Variants in EXT2 observed in about 807,000 individuals in gnomAD.
EXT2 encodes exostosin glycosyltransferase 2, also known as exostosin-2.
Under a neutral mutation model 81.6 loss-of-function variants are expected in EXT2, and 53 were observed. The observed-to-expected ratio is 0.65, with a 90% CI of 0.52 to 0.82. The LOEUF (loss-of-function observed/expected upper bound fraction) is 0.82. Among genes scored for constraint, EXT2 ranks in the 40% least tolerant of loss-of-function variants. The pLI is 0.00. For missense variants in EXT2, 774 were observed against 910.2 expected (o/e 0.85, Z 1.93); for synonymous variants, 320 against 340.0 (o/e 0.94, Z 0.65).
chr11:44,096,169 CCCGCCCT>C (rs998962711), intron 1 of EXT2: 74 of 1,324,736 alleles, frequency 5.6e-5, no homozygotes, highest in Middle Eastern at 1.8e-4. Context: ...CCTCCTGCGA[CCCGCCCT>C]CCGCCCTCCG....
intron 8 of EXT2, 117 bp downstream of exon 8, chr11:44,171,859 T>G (rs1955079854): frequency 1.3e-6 from 2 of 1,510,980 alleles, no homozygotes; most frequent in Non-Finnish European, 1.8e-6. Context: ...AAGATGAGAG[T>G]GTGCTTTTTA....
At chr11:44,140,154 T>G (rs1333542599) in intron 7 of EXT2, among the ~76,000 whole-genome samples, 1 of 152,234 alleles carries the variant, frequency 6.6e-6, no homozygotes, top group African/African-American at 2.4e-5. Flanking sequence ...GCAAGTGAGT[T>G]GGGCAACTTG....
At chr11:44,198,613 A>G (rs928305442) in intron 9 of EXT2, among the ~76,000 whole-genome samples, 1 of 152,180 alleles carries the variant, frequency 6.6e-6, no homozygotes, top group Non-Finnish European at 1.5e-5. Flanking sequence ...GGACGCACAG[A>G]GTATGTTCCA....
At chr11:44,172,901 G>T (rs1955097543) in intron 8 of EXT2, among the ~76,000 whole-genome samples, 1 of 152,296 alleles carries the variant, frequency 6.6e-6, no homozygotes, top group Non-Finnish European at 1.5e-5. Flanking sequence ...AAATAGTGCT[G>T]TATATGGCTA....
At chr11:44,119,169 T>TATATATATACACACAC (rs1192115471) in intron 4 of EXT2, among the ~76,000 whole-genome samples, 1 of 63,128 alleles carries the variant, frequency 1.6e-5, no homozygotes, top group African/African-American at 5.9e-5. Context: ...TATATATATA[T>TATATATATACACACAC]ACACATACAC....
intron 9 of EXT2, among the ~76,000 whole-genome samples, chr11:44,203,474 A>G (rs1287830540): frequency 6.6e-6 from 1 of 152,228 alleles, no homozygotes; most frequent in African/African-American, 2.4e-5. Context: ...AGAATTCAAC[A>G]GAAATCTGCC....
chr11:44,151,247 C>T (rs955511659), intron 7 of EXT2, among the ~76,000 whole-genome samples: 3 of 152,166 alleles, frequency 2.0e-5, no homozygotes, highest in Admixed American at 6.5e-5. Flanking sequence ...ATCATTATCA[C>T]ATGAAGTCCA....
At position 44,247,593 on chromosome 11, in the gene EXT2, C is replaced by G. The variant is rs945443654; in HGVS notation, c.*3306C>G. Among the ~76,000 whole-genome samples the G allele has an allele frequency of 6.6e-6, 1 of 152,198 alleles. No individual in the cohort carries two copies. The highest frequency in any genetic ancestry group is 2.4e-5 in the African/African-American group (1 of 41,458). ...AGTGTCATCAAGTTCAAAGCTCTGA[C>G]CACCCTGGTTTCTCTGCCAAAGCCT... On this transcript the variant is annotated 3_prime_UTR_variant, in exon 14 of 14. Coordinates refer to ENST00000533608, the MANE Select transcript of EXT2 (RefSeq NM_207122.2).
intron 10 of EXT2, among the ~76,000 whole-genome samples, chr11:44,216,066 C>T (rs1215796788): frequency 4.0e-5 from 6 of 151,722 alleles, no homozygotes; most frequent in South Asian, 2.1e-4. Context: ...TTAGTAGAGA[C>T]GGGGTTTCAC....
intron 8 of EXT2, among the ~76,000 whole-genome samples, chr11:44,191,260 G>A (rs539324589): frequency 1.8e-4 from 27 of 152,326 alleles, no homozygotes; most frequent in Non-Finnish European, 2.9e-4. Flanking sequence ...AGAAGTAAAC[G>A]GTGGGAGAAT....
Position 44,245,195 on chromosome 11 carries a change from GA to G in EXT2, c.*913del. ...TCAATGTTTTAAAGGTATTGTCAGA[GA>G]AAAACAGAGGGTCTGTACTAGCCAT... On this transcript the variant is annotated 3_prime_UTR_variant, in exon 14 of 14. Coordinates refer to ENST00000533608, the MANE Select transcript of EXT2 (RefSeq NM_207122.2). 1 of 228,854 alleles carries G rather than the reference GA, an allele frequency of 4.4e-6. No individual in the cohort carries two copies. Among genetic ancestry groups the G allele is most frequent in the Non-Finnish European group, 8.7e-6 (1 of 114,972 alleles). 14.2% of individuals were successfully genotyped at this position (228,854 alleles called of 1,614,324 possible).
chr11:44,126,482 A>G (rs1392326427), intron 5 of EXT2, among the ~76,000 whole-genome samples: 2 of 152,206 alleles, frequency 1.3e-5, no homozygotes, highest in Non-Finnish European at 2.9e-5. Flanking sequence ...GTGTTTACAT[A>G]GTACACTAGG....
chr11:44,137,981 A>G (rs1359050614), intron 7 of EXT2, among the ~76,000 whole-genome samples: 1 of 152,164 alleles, frequency 6.6e-6, no homozygotes, highest in Non-Finnish European at 1.5e-5. Flanking sequence ...CAGTTATGCT[A>G]AGGAGAGCCA....
At chr11:44,137,642 T>C (rs1209829308) in intron 7 of EXT2, among the ~76,000 whole-genome samples, 2 of 152,286 alleles carry the variant, frequency 1.3e-5, no homozygotes, top group East Asian at 3.9e-4. Context: ...TGTAGGCAAA[T>C]ACAGTTGAGT....
At chr11:44,157,727 C>T (rs999356463) in intron 7 of EXT2, among the ~76,000 whole-genome samples, 14 of 152,170 alleles carry the variant, frequency 9.2e-5, no homozygotes, top group African/African-American at 3.4e-4. Context: ...CTGCTATGGC[C>T]AAGCTGGTCC....
intron 10 of EXT2, among the ~76,000 whole-genome samples, chr11:44,213,359 C>A (rs1252158189): frequency 1.3e-5 from 2 of 152,070 alleles, no homozygotes; most frequent in Non-Finnish European, 2.9e-5. Flanking sequence ...AGAAACCAGG[C>A]AAATTGCAAC....
intron 1 of EXT2, among the ~76,000 whole-genome samples, chr11:44,097,181 C>T (rs1953910444): frequency 6.6e-6 from 1 of 152,110 alleles, no homozygotes; most frequent in African/African-American, 2.4e-5. Context: ...TAAGTTAACA[C>T]TATAAAGTGC....
chr11:44,143,946 T>C (rs1246588142), intron 7 of EXT2, among the ~76,000 whole-genome samples: 5 of 152,164 alleles, frequency 3.3e-5, no homozygotes, highest in Non-Finnish European at 5.9e-5. Flanking sequence ...GATAGCAGCA[T>C]TGGGGATAAA....
intron 12 of EXT2, among the ~76,000 whole-genome samples, chr11:44,235,904 G>A (rs1475356684): frequency 6.6e-6 from 1 of 152,222 alleles, no homozygotes; most frequent in African/African-American, 2.4e-5. Flanking sequence ...AGGAGAAAGA[G>A]CGCCTGTTGG....
Sources: allele counts gnomAD v4.1 joint callset (sites outside exome capture counted in the v4.1 genomes callset), GRCh38; gene constraint gnomAD v4.1.1; transcripts MANE v1.5; gene names NCBI Gene and HGNC (gene_info 2026-07-23, HGNC 2026-07-21).